Variants in GNAQ observed in about 807,000 individuals in gnomAD.
GNAQ encodes the protein G protein subunit alpha q, also known as guanine nucleotide-binding protein G(q) subunit alpha.
In GNAQ, 8 loss-of-function variants were observed where a neutral mutation model predicts 43.9. The ratio of observed to expected loss-of-function variants is 0.18; its 90% CI spans 0.11 to 0.33. The LOEUF is 0.33. Ranked by LOEUF, GNAQ falls within the 10% of genes least tolerant of loss-of-function variation. The pLI is 1.00. For missense variants in GNAQ, 158 were observed against 450.8 expected (o/e 0.35, Z 5.88); for synonymous variants, 155 against 170.7 (o/e 0.91, Z 0.71).
At chr9:77,848,311 G>T (rs551628534) in intron 2 of GNAQ, among the ~76,000 whole-genome samples, 2 of 152,290 alleles carry the variant, frequency 1.3e-5, no homozygotes, top group Admixed American at 6.5e-5. Flanking sequence ...TGACAAAGGG[G>T]ACTCATAAGC....
rs940220737 is a variant in GNAQ, at chr9:77,880,554, T to G, written c.321+41607A>C. 1.1e-4 allele frequency among the ~76,000 whole-genome samples: 9 copies of G among 84,218 alleles called. 1 individual carries two copies. Among genetic ancestry groups the G allele is most frequent in the Middle Eastern group, 0.011 (2 of 174 alleles). The allele number at this position is 84,218 out of a possible 152,430, so 55.3% of individuals were successfully genotyped here. On this transcript the variant is annotated intron_variant, in intron 2 of 6. Coordinates refer to ENST00000286548, the MANE Select transcript of GNAQ (RefSeq NM_002072.5). The stretch of plus-strand genomic sequence containing the variant: ...TGCCCCACACCTGGATGATTTTTTC[T>G]GTTTTTTTTTTTTTGTTTTTTTTGT...
chr9:77,751,015 G>A (rs1013835531), intron 5 of GNAQ, among the ~76,000 whole-genome samples: 2 of 152,160 alleles, frequency 1.3e-5, no homozygotes, highest in Non-Finnish European at 2.9e-5. Flanking sequence ...AGCACTGCTT[G>A]GCCTTTTCAA....
At chr9:78,001,419 T>C (rs1001633750) in intron 1 of GNAQ, among the ~76,000 whole-genome samples, 1 of 151,454 alleles carries the variant, frequency 6.6e-6, no homozygotes, top group Admixed American at 6.6e-5. Context: ...AAAAGAGAAA[T>C]AGAAAGCAGT....
At chr9:77,817,440 G>A (rs1827036944) in intron 2 of GNAQ, among the ~76,000 whole-genome samples, 1 of 152,072 alleles carries the variant, frequency 6.6e-6, no homozygotes, top group African/African-American at 2.4e-5. Flanking sequence ...GAGGGAGGGA[G>A]GGAGGGAGGA....
At position 77,717,572 on chromosome 9, in the gene GNAQ, T is replaced by C. The variant is rs1382143874; in HGVS notation, c.*3751A>G. Reference sequence around the variant, plus strand: ...TCCAGCATAAATAGCTTTTCACCAATTCCTAACTTAAGACAACTAAAATTT... The same window carrying C: ...TCCAGCATAAATAGCTTTTCACCAACTCCTAACTTAAGACAACTAAAATTT... On this transcript the variant is annotated 3_prime_UTR_variant, in exon 7 of 7. Coordinates refer to ENST00000286548, the MANE Select transcript of GNAQ (RefSeq NM_002072.5). 2 of 232,304 alleles carry C rather than the reference T, an allele frequency of 8.6e-6. No homozygotes were observed. Among genetic ancestry groups the C allele is most frequent in the Non-Finnish European group, 1.7e-5 (2 of 117,592 alleles). 14.4% of individuals were successfully genotyped at this position (232,304 alleles called of 1,614,324 possible).
chr9:77,891,604 C>T (rs963716710), intron 2 of GNAQ, among the ~76,000 whole-genome samples: 1 of 152,152 alleles, frequency 6.6e-6, no homozygotes, highest in Non-Finnish European at 1.5e-5. Flanking sequence ...AGCCTGAGGG[C>T]CCTGCCTTTG....
chr9:77,738,196 G>A (rs1186700211), intron 5 of GNAQ, among the ~76,000 whole-genome samples: 2 of 152,174 alleles, frequency 1.3e-5, no homozygotes, highest in East Asian at 1.9e-4. Flanking sequence ...GTATTTGCAT[G>A]TATACACGGT....
chr9:77,829,383 A>G (rs1303022113), intron 2 of GNAQ, among the ~76,000 whole-genome samples: 1 of 152,206 alleles, frequency 6.6e-6, no homozygotes, highest in Non-Finnish European at 1.5e-5. Context: ...TGGCTTCTCC[A>G]TAGTAGTGTT....
intron 6 of GNAQ, among the ~76,000 whole-genome samples, chr9:77,726,855 ACTAT>A (rs1345725462): frequency 1.3e-5 from 2 of 152,176 alleles, no homozygotes; most frequent in Non-Finnish European, 2.9e-5. Context: ...TGTGCTCTTA[ACTAT>A]CTAGACCACG....
intron 2 of GNAQ, among the ~76,000 whole-genome samples, chr9:77,851,512 G>T (rs752788435): frequency 2.6e-5 from 4 of 152,212 alleles, no homozygotes; most frequent in Non-Finnish European, 4.4e-5. Context: ...GCACTGAAAA[G>T]AACCCAATCA....
Position 77,717,698 on chromosome 9 carries a change from A to AC in GNAQ, c.*3624dup, listed in dbSNP as rs1825247482. On this transcript the variant is annotated 3_prime_UTR_variant, in exon 7 of 7. Coordinates refer to ENST00000286548, the MANE Select transcript of GNAQ (RefSeq NM_002072.5). ...AAGTAAATTGCCCTTTAGCTGAATTACCTTTTTAAAATAGGCCTGCTAGTT... is the reference window on the plus strand; with the variant it reads ...AAGTAAATTGCCCTTTAGCTGAATTACCCTTTTTAAAATAGGCCTGCTAGTT... 4.3e-6 allele frequency: 1 copy of AC among 232,040 alleles called. No individual in the cohort carries two copies. Among genetic ancestry groups the AC allele is most frequent in the East Asian group, 6.1e-5 (1 of 16,388 alleles). The allele number at this position is 232,040 out of a possible 1,614,324, so 14.4% of individuals were successfully genotyped here. A position where few individuals can be genotyped will look rare whatever the true frequency, so the allele number is the denominator to read the frequency against.
intron 5 of GNAQ, among the ~76,000 whole-genome samples, chr9:77,793,798 T>C (rs1379420266): frequency 6.6e-6 from 1 of 152,108 alleles, no homozygotes; most frequent in Non-Finnish European, 1.5e-5. Context: ...GTCTTTACCA[T>C]CCTGAAAATC....
At chr9:77,882,069 C>T (rs1330615998) in intron 2 of GNAQ, among the ~76,000 whole-genome samples, 2 of 151,900 alleles carry the variant, frequency 1.3e-5, no homozygotes, top group African/African-American at 4.8e-5. Flanking sequence ...ACCCAGAAGG[C>T]GGAAGTTGCA....
chr9:77,732,458 T>C (rs1210291017), intron 5 of GNAQ, among the ~76,000 whole-genome samples: 1 of 147,558 alleles, frequency 6.8e-6, no homozygotes, highest in Admixed American at 6.8e-5. Context: ...CTCTGCCTCC[T>C]GAGTTCAAGC....
intron 6 of GNAQ, among the ~76,000 whole-genome samples, chr9:77,722,196 A>G (rs1825325913): frequency 6.6e-6 from 1 of 150,764 alleles, no homozygotes; most frequent in Non-Finnish European, 1.5e-5. Context: ...GAGTGCAGTG[A>G]TAAGATCTCA....
At chr9:77,744,990 C>T (rs1279044290) in intron 5 of GNAQ, among the ~76,000 whole-genome samples, 2 of 152,096 alleles carry the variant, frequency 1.3e-5, no homozygotes, top group Admixed American at 1.3e-4. Context: ...CGGCAGTGAA[C>T]CCAGAAAGGA....
intron 5 of GNAQ, among the ~76,000 whole-genome samples, chr9:77,785,100 T>C (rs1826455724): frequency 6.6e-6 from 1 of 152,206 alleles, no homozygotes; most frequent in Non-Finnish European, 1.5e-5. Context: ...TGCAATCTTA[T>C]TTATCAAGAG....
chr9:77,823,776 G>A (rs1482870286), intron 2 of GNAQ, among the ~76,000 whole-genome samples: 4 of 152,098 alleles, frequency 2.6e-5, no homozygotes, highest in Non-Finnish European at 4.4e-5. Context: ...CTGTCCCCAC[G>A]ATTCAATCAC....
intron 3 of GNAQ, among the ~76,000 whole-genome samples, chr9:77,815,051 T>C (rs1450390513): frequency 6.6e-6 from 1 of 152,182 alleles, no homozygotes; most frequent in East Asian, 1.9e-4. Context: ...AATTCTGGAA[T>C]GTATGCAAAA....
Sources: gnomAD v4.1 joint callset for allele counts (sites outside exome capture counted in the v4.1 genomes callset) on GRCh38, gnomAD v4.1.1 for gene constraint, MANE v1.5 for transcripts, NCBI Gene and HGNC (gene_info 2026-07-23, HGNC 2026-07-21) for gene names.